The following MSRA variants were observed in gnomAD, a reference collection of about 807,000 sequenced individuals.
MSRA encodes mitochondrial peptide methionine sulfoxide reductase.
A neutral mutation model predicts 31.3 loss-of-function variants in MSRA; 54 were observed. The observed-to-expected ratio is 1.73, with a 90% CI of 1.39 to 2.17. The LOEUF is 2.17. Ranked by LOEUF, MSRA falls within the 30% of genes most tolerant of loss-of-function variation. The probability of loss-of-function intolerance (pLI) is 0.00; values close to 1 mark genes in which losing one functional copy is unlikely to be tolerated. For missense variants in MSRA, 507 were observed against 300.9 expected, an observed-to-expected ratio of 1.69 and a Z score of -5.07; for synonymous variants, 169 against 116.5, an observed-to-expected ratio of 1.45 and a Z score of -2.90.
rs188236276 is a variant in MSRA at position 10,116,564 on chromosome 8, G to A, written c.142+61906G>A. Among the ~76,000 whole-genome samples, 24 of 152,314 alleles carry A rather than the reference G, an allele frequency of 1.6e-4. No homozygotes were observed. The East Asian group carries it at 4.6e-3, about 29-fold the overall frequency. On this transcript the variant is annotated intron_variant, in intron 1 of 5. Transcript: ENST00000317173. The stretch of plus-strand genomic sequence containing the variant: ...AGGCTGGTAGCCATCTAGATAAGTA[G>A]ACAAATCACTTGGATATCGTGTGAT...
intron 1 of MSRA, chr8:10,095,941 A>C (rs1362055835): frequency 3.7e-6 from 5 of 1,351,764 alleles, no homozygotes; most frequent in Non-Finnish European, 4.8e-6. Context: ...GCAAATTTCT[A>C]ATTAGAGGGA....
At chr8:10,368,652 A>G (rs1170099694) in intron 5 of MSRA, among the ~76,000 whole-genome samples, 1 of 152,264 alleles carries the variant, frequency 6.6e-6, no homozygotes, top group African/African-American at 2.4e-5. Flanking sequence ...ACTGTTCCAC[A>G]ATGAAAGATA....
At chr8:10,166,309 T>A (rs1805120753) in intron 1 of MSRA, among the ~76,000 whole-genome samples, 1 of 152,180 alleles carries the variant, frequency 6.6e-6, no homozygotes, top group African/African-American at 2.4e-5. Flanking sequence ...CAGGAGTGCA[T>A]TTTGGCATAA....
chr8:10,055,363 A>C lies in MSRA; in HGVS notation c.142+705A>C, dbSNP rs1437875672. ...AAAAATGTTCACGTGCTTCGATGCCATGTAATGGTAAACTGCTATAAAAGT... is the reference window on the plus strand; with the variant it reads ...AAAAATGTTCACGTGCTTCGATGCCCTGTAATGGTAAACTGCTATAAAAGT... On this transcript the variant is annotated intron_variant, in intron 1 of 5. Coordinates refer to ENST00000317173, the MANE Select transcript of MSRA (RefSeq NM_012331.5). Among the ~76,000 whole-genome samples the C allele has an allele frequency of 3.3e-5, 5 of 152,374 alleles. No individual in the cohort carries two copies. In the East Asian group the frequency reaches 9.6e-4, roughly 29 times the overall value.
At chr8:10,322,969 A>T (rs1802135589) in intron 5 of MSRA, among the ~76,000 whole-genome samples, 1 of 152,060 alleles carries the variant, frequency 6.6e-6, no homozygotes, top group Non-Finnish European at 1.5e-5. Context: ...ACGCACCTGT[A>T]ATCCGAGCTA....
intron 5 of MSRA, among the ~76,000 whole-genome samples, chr8:10,387,057 C>T (rs1162506139): frequency 6.6e-6 from 1 of 152,158 alleles, no homozygotes; most frequent in Non-Finnish European, 1.5e-5. Flanking sequence ...GCCTGAGCTT[C>T]TGCATTTCTG....
chr8:10,404,221 T>C (rs1807649819), intron 5 of MSRA, among the ~76,000 whole-genome samples: 4 of 152,006 alleles, frequency 2.6e-5, no homozygotes. Flanking sequence ...ACGGTGCTGC[T>C]CCTCCTCCAC....
chr8:10,283,555 T>A (rs1438449644), intron 3 of MSRA, among the ~76,000 whole-genome samples: 1 of 151,906 alleles, frequency 6.6e-6, no homozygotes, highest in Non-Finnish European at 1.5e-5. Flanking sequence ...CACTATACAC[T>A]GAACCGAATT....
At chr8:10,321,383 A>C (rs1334168615) in intron 5 of MSRA, among the ~76,000 whole-genome samples, 1 of 152,080 alleles carries the variant, frequency 6.6e-6, no homozygotes, top group Non-Finnish European at 1.5e-5. Context: ...CTGGTGAGCA[A>C]GTAGAAGGAC....
chr8:10,304,740 TGAAAA>T (rs1213574912), intron 4 of MSRA, among the ~76,000 whole-genome samples: 4 of 152,138 alleles, frequency 2.6e-5, no homozygotes, highest in South Asian at 2.1e-4. Context: ...AAGTTGGTCT[TGAAAA>T]GAAAGCCGCC....
At chr8:10,218,462 G>A (rs1003814044) in intron 2 of MSRA, among the ~76,000 whole-genome samples, 6 of 152,066 alleles carry the variant, frequency 3.9e-5, no homozygotes, top group African/African-American at 9.6e-5. Flanking sequence ...CTTTTCTTTT[G>A]GTGAAGTTAG....
At chr8:10,230,175 G>A (rs1811344957) in intron 2 of MSRA, among the ~76,000 whole-genome samples, 1 of 152,246 alleles carries the variant, frequency 6.6e-6, no homozygotes, top group Non-Finnish European at 1.5e-5. Context: ...TCTCTGCAGA[G>A]AGGGGGTTAC....
intron 2 of MSRA, among the ~76,000 whole-genome samples, chr8:10,227,016 G>A (rs1280947609): frequency 3.3e-5 from 5 of 152,214 alleles, no homozygotes; most frequent in Non-Finnish European, 7.3e-5. Flanking sequence ...ACGAGCAGAG[G>A]TCATTCTGTC....
chr8:10,247,981 C>T (rs906453658), intron 3 of MSRA, among the ~76,000 whole-genome samples: 21 of 152,106 alleles, frequency 1.4e-4, no homozygotes, highest in Non-Finnish European at 8.8e-5. Context: ...GTGGGGGAGA[C>T]ATAAAGCAGG....
chr8:10,162,929 T>TA (rs1288062086), intron 1 of MSRA, among the ~76,000 whole-genome samples: 1 of 152,124 alleles, frequency 6.6e-6, no homozygotes, highest in Non-Finnish European at 1.5e-5. Flanking sequence ...CCTGTGGTCT[T>TA]AAAGTTTGCA....
In MSRA at chr8:10,319,961, C is replaced by A; in HGVS notation, c.515C>A (p.Ala172Asp). Reference protein sequence around the residue: ...YPTSAKQMEAALSSKENYQKV... With the variant: ...YPTSAKQMEADLSSKENYQKV... ...ACCTCTGCCAAGCAAATGGAGGCAG[C>A]CCTGAGCTCCAAAGAGAACTACCAA... The change falls in exon 5 of 6, where the codon GCC becomes GAC. Residue 172 changes from alanine (A) to aspartate (D), a missense_variant. Transcript: ENST00000317173. 1.2e-6 allele frequency: 2 copies of A among 1,600,922 alleles called. No individual in the cohort carries two copies. Among genetic ancestry groups the A allele is most frequent in the Non-Finnish European group, 1.7e-6 (2 of 1,173,926 alleles).
At chr8:10,409,734 C>A (rs1006007889) in intron 5 of MSRA, among the ~76,000 whole-genome samples, 2 of 152,214 alleles carry the variant, frequency 1.3e-5, no homozygotes, top group Non-Finnish European at 2.9e-5. Flanking sequence ...ACAGGACTTT[C>A]ACTTGGGTTG....
At chr8:10,230,219 A>G (rs1811348415) in intron 2 of MSRA, among the ~76,000 whole-genome samples, 1 of 152,200 alleles carries the variant, frequency 6.6e-6, no homozygotes, top group African/African-American at 2.4e-5. Flanking sequence ...AGGGTAGACT[A>G]TGTACGTGCC....
chr8:10,406,533 G>T lies in MSRA; in HGVS notation c.544-21615G>T, dbSNP rs184176746. Among the ~76,000 whole-genome samples the T allele has an allele frequency of 3.0e-4, 46 of 152,236 alleles. 1 individual carries two copies. The East Asian group carries it at 8.7e-3, about 29-fold the overall frequency. ...ATGTTCAAGAATAGGCAGGCTGGGGGTTACATCCAGGGTGTTGGTGCAGAC... is the reference window on the plus strand; with the variant it reads ...ATGTTCAAGAATAGGCAGGCTGGGGTTTACATCCAGGGTGTTGGTGCAGAC... On this transcript the variant is annotated intron_variant, in intron 5 of 5. Transcript: ENST00000317173.
Sources: allele counts gnomAD v4.1 joint callset (sites outside exome capture counted in the v4.1 genomes callset), GRCh38; gene constraint gnomAD v4.1.1; transcripts MANE v1.5; gene names NCBI Gene and HGNC (gene_info 2026-07-23, HGNC 2026-07-21).